Variants in SMG1 observed in about 807,000 individuals in gnomAD.
SMG1 encodes serine/threonine-protein kinase SMG1.
In SMG1, 22 loss-of-function variants were observed where a neutral mutation model predicts 419.9. The ratio of observed to expected loss-of-function variants is 0.05; its 90% CI spans 0.04 to 0.07. SMG1 has a LOEUF of 0.07. SMG1 is among the 10% of genes least tolerant of loss of function. The pLI is 1.00. For missense variants in SMG1, 3,185 were observed against 4,342.0 expected (o/e 0.73, Z 7.49); for synonymous variants, 1,538 against 1,553.5 (o/e 0.99, Z 0.23).
intron 38 of SMG1, 99 bp from the exon 39 acceptor site, chr16:18,845,750 G>C (rs1289458479): frequency 4.6e-5 from 38 of 831,934 alleles, no homozygotes; most frequent in Non-Finnish European, 1.7e-5. Context: ...TAAGTAAACA[G>C]TACCAAGGAA....
intron 8 of SMG1, 190 bp downstream of exon 8, chr16:18,884,900 G>A (rs375364280): frequency 8.5e-6 from 5 of 589,830 alleles, no homozygotes; most frequent in East Asian, 5.8e-5. Context: ...TGTACTTACT[G>A]TACCCACCTA....
At chr16:18,862,758 C>T (rs2035279983) in intron 25 of SMG1, among the ~76,000 whole-genome samples, 1 of 152,178 alleles carries the variant, frequency 6.6e-6, no homozygotes, top group Admixed American at 6.5e-5. Context: ...AGAATAACAG[C>T]CAAAGTTCTT....
intron 1 of SMG1, among the ~76,000 whole-genome samples, chr16:18,901,353 A>C (rs1217757816): frequency 2.0e-5 from 3 of 152,088 alleles, no homozygotes; most frequent in African/African-American, 7.2e-5. Flanking sequence ...CCACAGGTGC[A>C]TGCCACCCCA....
At chr16:18,923,160 C>A (rs574615440) in intron 1 of SMG1, among the ~76,000 whole-genome samples, 9 of 152,126 alleles carry the variant, frequency 5.9e-5, no homozygotes, top group Non-Finnish European at 1.2e-4. Context: ...TAAATGCTTA[C>A]TGTTGGAGGT....
rs184396843 is a variant in SMG1, at chr16:18,819,109, G to A, written c.9894+393C>T. On this transcript the variant is annotated intron_variant, in intron 56 of 62. Transcript: ENST00000446231. Reference sequence around the variant, plus strand: ...TGGGATTACAGGCGTAAGCCACGGCGCCTGGCCAACAGGGCACAAGGTCTT... The same window carrying A: ...TGGGATTACAGGCGTAAGCCACGGCACCTGGCCAACAGGGCACAAGGTCTT... Among the ~76,000 whole-genome samples the A allele has an allele frequency of 3.8e-3, 576 of 151,154 alleles. 4 individuals carry two copies. The highest frequency in any genetic ancestry group is 0.013 in the African/African-American group (550 of 41,268).
Position 18,926,232 on chromosome 16 carries a change from C to A in SMG1, c.-191G>T. The A allele has an allele frequency of 1.8e-6, 1 of 561,260 alleles. No homozygotes were observed. The allele number at this position is 561,260 out of a possible 1,614,324, so 34.8% of individuals were successfully genotyped here. A position where few individuals can be genotyped will look rare whatever the true frequency, so the allele number is the denominator to read the frequency against. ...GGAAGAGGACGGCCGTTCCGGGTTC[C>A]GCCTGAGCCCGCAGCGCAGGACGAG... is the stretch of plus-strand genomic sequence containing the variant. On this transcript the variant is annotated 5_prime_UTR_variant, in exon 1 of 63. Coordinates refer to ENST00000446231, the MANE Select transcript of SMG1 (RefSeq NM_015092.5).
At chr16:18,851,930 C>T (rs1279073342) in intron 33 of SMG1, 137 bp downstream of exon 33, 2 of 922,340 alleles carry the variant, frequency 2.2e-6, no homozygotes, top group Admixed American at 6.9e-5. Flanking sequence ...TCACTTTCAT[C>T]TTAAAATGCA....
chr16:18,845,794 G>A, intron 38 of SMG1, 143 bp from the exon 39 acceptor site: 2 of 658,644 alleles, frequency 3.0e-6, no homozygotes, highest in South Asian at 4.2e-5. Context: ...TATTCACAAA[G>A]TAAATTACTA....
At chr16:18,878,552 A>G (rs1331035548) in intron 11 of SMG1, 1 of 151,160 alleles carries the variant, frequency 6.6e-6, no homozygotes, top group Non-Finnish European at 1.5e-5. Context: ...GGCTGCAGTG[A>G]GCTCTGATTG....
At position 18,805,919 on chromosome 16, in the gene SMG1, T is replaced by C. The variant is rs967336678; in HGVS notation, c.*3650A>G. 11 of 152,652 alleles carry C rather than the reference T, an allele frequency of 7.2e-5. No homozygotes were observed. The highest frequency in any genetic ancestry group is 1.7e-4 in the African/African-American group (7 of 41,468). The allele number at this position is 152,652 out of a possible 1,614,324, so 9.5% of individuals were successfully genotyped here. A position where few individuals can be genotyped will look rare whatever the true frequency, so the allele number is the denominator to read the frequency against. Reference sequence around the variant, plus strand: ...TATCTGAATAGGACTAACAGGCTAATTGTAGGTGCTTTCATATGAAAATAA... The same window carrying C: ...TATCTGAATAGGACTAACAGGCTAACTGTAGGTGCTTTCATATGAAAATAA... On this transcript the variant is annotated 3_prime_UTR_variant, in exon 63 of 63. Coordinates refer to ENST00000446231, the MANE Select transcript of SMG1 (RefSeq NM_015092.5).
intron 5 of SMG1, among the ~76,000 whole-genome samples, chr16:18,890,639 G>C (rs752830694): frequency 8.5e-5 from 13 of 152,206 alleles, no homozygotes; most frequent in Non-Finnish European, 1.8e-4. Context: ...GACAGGGTGA[G>C]ACTCCGGCTC....
intron 1 of SMG1, among the ~76,000 whole-genome samples, chr16:18,919,855 ACT>A (rs1280534524): frequency 4.6e-5 from 7 of 152,066 alleles, no homozygotes; most frequent in Admixed American, 4.6e-4. Context: ...TAATCCCAGC[ACT>A]CTGAGAAGCC....
chr16:18,892,002 G>C (rs1459369517), intron 4 of SMG1, among the ~76,000 whole-genome samples: 1 of 152,184 alleles, frequency 6.6e-6, no homozygotes, highest in African/African-American at 2.4e-5. Flanking sequence ...AGGAGTTTGA[G>C]ACTGCAGTGA....
intron 1 of SMG1, chr16:18,925,511 A>C (rs2038357778): frequency 6.2e-6 from 1 of 162,046 alleles, no homozygotes; most frequent in African/African-American, 2.4e-5. Flanking sequence ...GGGGTCACAG[A>C]AAGGAACAGA....
At chr16:18,854,459 C>T (rs2034785705) in intron 30 of SMG1, among the ~76,000 whole-genome samples, 197 bp downstream of exon 30, 1 of 152,076 alleles carries the variant, frequency 6.6e-6, no homozygotes, top group African/African-American at 2.4e-5. Context: ...TAATACATTG[C>T]AACAAAATTC....
chr16:18,876,268 A>C lies in SMG1; in HGVS notation c.1746T>G (p.Ser582Arg), dbSNP rs370826091. Reference protein sequence around the residue: ...MTCALNNLLHSLQLPEACSEI... With the variant: ...MTCALNNLLHRLQLPEACSEI... The stretch of plus-strand genomic sequence containing the variant: ...CAGAACAGGCCTCAGGAAGTTGTAG[A>C]CTGTGTAGGAGGTTGTTTAGGGCAC... The change falls in exon 13 of 63, where the codon AGT (serine) becomes AGG (arginine). Residue 582 changes from serine (S) to arginine (R), a missense_variant. Ser to Arg is a moderately radical substitution (Grantham distance 110). Coordinates refer to ENST00000446231, the MANE Select transcript of SMG1 (RefSeq NM_015092.5). 6.2e-7 allele frequency: 1 copy of C among 1,611,664 alleles called. No individual in the cohort carries two copies. Among genetic ancestry groups the C allele is most frequent in the South Asian group, 1.1e-5 (1 of 90,986 alleles).
intron 29 of SMG1, among the ~76,000 whole-genome samples, chr16:18,856,171 C>CTTGTGGGT (rs74275925): frequency 0.2 from 29,757 of 151,676 alleles, 3,103 homozygotes; most frequent in African/African-American, 0.28. Flanking sequence ...GCTGTTCCTT[C>CTTGTGGGT]TTATTTTTTG....
chr16:18,806,445 C>T lies in SMG1; in HGVS notation c.*3124G>A, dbSNP rs1317616129. 1 of 152,522 alleles carries T rather than the reference C, an allele frequency of 6.6e-6. No homozygotes were observed. The highest frequency in any genetic ancestry group is 1.5e-5 in the Non-Finnish European group (1 of 68,032). The allele number at this position is 152,522 out of a possible 1,614,324, so 9.4% of individuals were successfully genotyped here. On this transcript the variant is annotated 3_prime_UTR_variant, in exon 63 of 63. Transcript: ENST00000446231. The stretch of plus-strand genomic sequence containing the variant: ...TCAACAGATTTCAAAAGCAACTCAC[C>T]ACAAGTGTCAGACACAAAAGAATCT...
At chr16:18,848,537 C>T (rs1238568083) in intron 36 of SMG1, among the ~76,000 whole-genome samples, 1 of 151,894 alleles carries the variant, frequency 6.6e-6, no homozygotes, top group South Asian at 2.1e-4. Flanking sequence ...AACTCCTGGC[C>T]TCAAATGATC....
Sources: allele counts gnomAD v4.1 joint callset (sites outside exome capture counted in the v4.1 genomes callset), GRCh38; gene constraint gnomAD v4.1.1; transcripts MANE v1.5; gene names NCBI Gene and HGNC (gene_info 2026-07-23, HGNC 2026-07-21).